SOX6: variants seen among roughly 807,000 people sequenced by gnomAD.
SOX6 encodes the protein transcription factor SOX-6.
Under a neutral mutation model 97.8 loss-of-function variants are expected in SOX6, and 11 were observed. The observed-to-expected ratio is 0.11, with a 90% CI of 0.07 to 0.19. The LOEUF is 0.19. Among genes scored for constraint, SOX6 ranks in the 10% least tolerant of loss-of-function variants. The probability of loss-of-function intolerance (pLI) is 1.00; values close to 1 mark genes in which losing one functional copy is unlikely to be tolerated. For missense variants in SOX6, 810 were observed against 1,039.5 expected (o/e 0.78, Z 3.04); for synonymous variants, 360 against 371.4 (o/e 0.97, Z 0.35).
At chr11:16,710,708 T>TCCATTCC (rs1848172818) in intron 3 of SOX6, among the ~76,000 whole-genome samples, 1 of 152,210 alleles carries the variant, frequency 6.6e-6, no homozygotes. Context: ...GATGACCTTA[T>TCCATTCC]CCATTCCCAT....
At chr11:16,703,940 AC>A (rs1308787765) in intron 3 of SOX6, among the ~76,000 whole-genome samples, 3 of 152,158 alleles carry the variant, frequency 2.0e-5, no homozygotes, top group African/African-American at 4.8e-5. Flanking sequence ...CTTCCATCTA[AC>A]CTTTCACTTT....
intron 12 of SOX6, among the ~76,000 whole-genome samples, chr11:16,030,790 C>T (rs943125314): frequency 6.6e-6 from 1 of 152,084 alleles, no homozygotes; most frequent in East Asian, 1.9e-4. Context: ...CTTCTCACCA[C>T]CACCCACAAA....
At chr11:16,250,706 A>G (rs571524185) in intron 3 of SOX6, among the ~76,000 whole-genome samples, 1 of 152,232 alleles carries the variant, frequency 6.6e-6, no homozygotes, top group East Asian at 1.9e-4. Flanking sequence ...CAAAGCTGAC[A>G]AAGAAAAATA....
At chr11:16,361,881 A>G (rs1262282959) in intron 1 of SOX6, among the ~76,000 whole-genome samples, 1 of 152,240 alleles carries the variant, frequency 6.6e-6, no homozygotes, top group Non-Finnish European at 1.5e-5. Context: ...TAACTTCAAA[A>G]TCATGAAAAC....
At chr11:16,011,308 T>A (rs1854719033) in intron 13 of SOX6, among the ~76,000 whole-genome samples, 1 of 152,070 alleles carries the variant, frequency 6.6e-6, no homozygotes, top group South Asian at 2.1e-4. Flanking sequence ...TGTTAAGACT[T>A]CAACTGCTTC....
At chr11:16,121,230 A>T (rs1198282504) in intron 6 of SOX6, among the ~76,000 whole-genome samples, 2 of 152,100 alleles carry the variant, frequency 1.3e-5, no homozygotes, top group Non-Finnish European at 2.9e-5. Flanking sequence ...AGAAAAGAAC[A>T]TGGATTTAGC....
intron 13 of SOX6, among the ~76,000 whole-genome samples, chr11:16,006,178 C>G (rs1470921657): frequency 1.3e-5 from 2 of 152,054 alleles, no homozygotes; most frequent in Non-Finnish European, 2.9e-5. Flanking sequence ...TCCACTTGAA[C>G]ATCCTCTCTG....
intron 3 of SOX6, among the ~76,000 whole-genome samples, chr11:16,261,987 T>A (rs1853913904): frequency 6.6e-6 from 1 of 152,032 alleles, no homozygotes; most frequent in Non-Finnish European, 1.5e-5. Context: ...AGTACTGTTC[T>A]GCAAAAATTT....
intron 3 of SOX6, among the ~76,000 whole-genome samples, chr11:16,288,166 T>G (rs560485117): frequency 6.6e-5 from 10 of 152,164 alleles, no homozygotes; most frequent in Admixed American, 6.6e-4. Flanking sequence ...GGGTCCAGTA[T>G]TCCCTGGAAA....
chr11:16,038,740 G>A (rs1371705423), intron 12 of SOX6, among the ~76,000 whole-genome samples: 1 of 152,080 alleles, frequency 6.6e-6, no homozygotes, highest in Non-Finnish European at 1.5e-5. Flanking sequence ...TTGAAAAAAA[G>A]TGTGTCTGTG....
chr11:16,420,845 G>A (rs1859007771), intron 1 of SOX6, among the ~76,000 whole-genome samples: 1 of 152,100 alleles, frequency 6.6e-6, no homozygotes, highest in Non-Finnish European at 1.5e-5. Context: ...ATTTATCAAA[G>A]ATATCCAAGA....
chr11:16,685,013 G>C (rs978411670), intron 3 of SOX6, among the ~76,000 whole-genome samples: 2 of 151,958 alleles, frequency 1.3e-5, no homozygotes, highest in Admixed American at 6.6e-5. Context: ...GATCTAATGA[G>C]TACTCACTCA....
At chr11:16,435,463 A>T (rs995822033) in intron 1 of SOX6, among the ~76,000 whole-genome samples, 1 of 152,178 alleles carries the variant, frequency 6.6e-6, no homozygotes, top group Non-Finnish European at 1.5e-5. Flanking sequence ...ACTCTGTAAT[A>T]ATACCGTCTA....
chr11:16,235,514 C>T (rs1852989051), intron 3 of SOX6, among the ~76,000 whole-genome samples: 1 of 152,076 alleles, frequency 6.6e-6, no homozygotes, highest in South Asian at 2.1e-4. Context: ...TTTTAAGCCT[C>T]AAATCTTAAC....
Position 16,605,319 on chromosome 11 carries a change from A to ACC in SOX6, n.609+6760_609+6761dup, listed in dbSNP as rs1201719753. ...AGTCCGCGCCCGGCGGGGCTGAACT[A>ACC]CCCCTCGCCCCCGCTCCCGCCAGGT... On this transcript the variant is annotated intron_variant and non_coding_transcript_variant, in intron 4 of 5. Transcript: ENST00000524520. This position sits in a 1 kb window ranked among gnomAD's most constrained non-coding sequence, Gnocchi z 5.3. 2.0e-5 allele frequency among the ~76,000 whole-genome samples: 3 copies of ACC among 151,426 alleles called. No individual in the cohort carries two copies. Among genetic ancestry groups the ACC allele is most frequent in the Non-Finnish European group, 3.0e-5 (2 of 67,782 alleles).
At chr11:16,474,688 C>T (rs1590216906) in intron 1 of SOX6, among the ~76,000 whole-genome samples, 2 of 152,274 alleles carry the variant, frequency 1.3e-5, no homozygotes, top group East Asian at 1.9e-4. Flanking sequence ...ATTTGTAGAG[C>T]ACAGGCAGAG....
chr11:16,104,192 C>T (rs910543912), intron 7 of SOX6, among the ~76,000 whole-genome samples: 1 of 151,836 alleles, frequency 6.6e-6, no homozygotes, highest in African/African-American at 2.4e-5. Flanking sequence ...ATCTGAAGAA[C>T]CTCAGAAATG....
chr11:16,034,686 A>G (rs1207376549), intron 12 of SOX6, among the ~76,000 whole-genome samples: 1 of 152,250 alleles, frequency 6.6e-6, no homozygotes, highest in Non-Finnish European at 1.5e-5. Context: ...AGGGAGTAGA[A>G]CACATACACG....
At chr11:16,501,214 A>G (rs1860701354) in intron 4 of SOX6, among the ~76,000 whole-genome samples, 1 of 152,244 alleles carries the variant, frequency 6.6e-6, no homozygotes, top group Admixed American at 6.5e-5. Flanking sequence ...TGGGGAAAGG[A>G]TTCCCTATTT....
Sources: gnomAD v4.1 joint callset for allele counts (sites outside exome capture counted in the v4.1 genomes callset) on GRCh38, gnomAD v4.1.1 for gene constraint, Gnocchi (gnomAD v3.1) non-coding constraint, MANE v1.5 for transcripts, NCBI Gene and HGNC (gene_info 2026-07-23, HGNC 2026-07-21) for gene names.